Variants in SYT3 observed in about 807,000 individuals in gnomAD.
The protein encoded by SYT3 is synaptotagmin-3.
In SYT3, 25 loss-of-function variants were observed where a neutral mutation model predicts 50.6. The observed-to-expected ratio is 0.49, with a 90% CI of 0.36 to 0.69. SYT3 has a LOEUF of 0.69. SYT3 is among the 30% of genes least tolerant of loss of function. SYT3 has a pLI of 0.00. For missense variants in SYT3, 589 were observed against 793.6 expected (o/e 0.74, Z 3.10); for synonymous variants, 323 against 353.9 (o/e 0.91, Z 0.98).
chr19:50,627,399 C>T (rs561278719), intron 6 of SYT3, among the ~76,000 whole-genome samples: 1 of 152,022 alleles, frequency 6.6e-6, no homozygotes, highest in African/African-American at 2.4e-5. Context: ...GTCCCCAGGC[C>T]CTGCTCCTGA....
intron 6 of SYT3, among the ~76,000 whole-genome samples, chr19:50,628,869 C>T (rs565359032): frequency 2.7e-4 from 40 of 147,176 alleles, no homozygotes; most frequent in South Asian, 2.1e-3. Context: ...TTGTTGCCTA[C>T]GCTGGAGTGC....
intron 6 of SYT3, among the ~76,000 whole-genome samples, chr19:50,628,667 G>A (rs1984160645): frequency 6.6e-6 from 1 of 152,200 alleles, no homozygotes; most frequent in Admixed American, 6.5e-5. Context: ...AGTTAGGAAG[G>A]TAAGAAGTCT....
chr19:50,648,468 G>A, the SYT3 span, among the ~76,000 whole-genome samples: 2 of 152,118 alleles, frequency 1.3e-5, no homozygotes, highest in Non-Finnish European at 2.9e-5. Flanking sequence ...ACAAATAAGC[G>A]AAGGTCCAGC....
Position 50,629,823 on chromosome 19 carries a change from G to T in SYT3, c.1023C>A (p.Ile341=), listed in dbSNP as rs773492286. Residue 341 remains isoleucine, a synonymous_variant, in exon 5 of 11, where the codon ATC becomes ATA. Coordinates refer to ENST00000600079, the MANE Select transcript of SYT3 (RefSeq NM_001160329.2). ...SNGFSDPYVK[I]YLLPDRKKKF... ...TTTTCTTGCGGTCAGGCAGCAGGTAGATCTTGACGTAGGGGTCTGAGAAGC... is the reference window on the plus strand; with the variant it reads ...TTTTCTTGCGGTCAGGCAGCAGGTATATCTTGACGTAGGGGTCTGAGAAGC... The T allele has an allele frequency of 1.2e-5, 19 of 1,613,874 alleles. No homozygotes were observed. The highest frequency in any genetic ancestry group is 1.0e-5 in the Non-Finnish European group (12 of 1,179,912).
rs995186663 is a variant in SYT3, at chr19:50,626,187, CAGCTG to C, written c.1282-175_1282-171del. 28 of 1,025,924 alleles carry C rather than the reference CAGCTG, an allele frequency of 2.7e-5. No individual in the cohort carries two copies. In the African/African-American group the frequency reaches 4.6e-4, roughly 17 times the overall value. The allele number at this position is 1,025,924 out of a possible 1,614,324, so 63.6% of individuals were successfully genotyped here. ...ACAAGGCCCAGTAATTCCCTGGCCA[CAGCTG>C]CCCATGACCATCAAAGCTTATTTGT... On this transcript the variant is annotated intron_variant, in intron 6 of 10. Transcript: ENST00000600079.
At chr19:50,643,708 AT>A (rs34491228), upstream of SYT3, among the ~76,000 whole-genome samples, 43 of 147,798 alleles carry the variant, frequency 2.9e-4, no homozygotes, top group Middle Eastern at 3.5e-3. Flanking sequence ...TGTGCCAGGC[AT>A]TTTTTTTTTT....
At chr19:50,628,653 A>G (rs2123004555) in intron 6 of SYT3, among the ~76,000 whole-genome samples, 1 of 152,212 alleles carries the variant, frequency 6.6e-6, no homozygotes, top group East Asian at 1.9e-4. Context: ...TTGGAAAGTC[A>G]GGAAGTTAGG....
chr19:50,628,032 C>T (rs1343157830), intron 6 of SYT3, among the ~76,000 whole-genome samples: 2 of 151,684 alleles, frequency 1.3e-5, no homozygotes, highest in Non-Finnish European at 2.9e-5. Flanking sequence ...CAAAGAGCTA[C>T]CCAAAAAGCC....
At chr19:50,638,555 C>T (rs1984568617) in intron 2 of SYT3, among the ~76,000 whole-genome samples, 1 of 151,826 alleles carries the variant, frequency 6.6e-6, no homozygotes, top group Admixed American at 6.6e-5. Context: ...GAAGGAAAGT[C>T]AAGGATTGAG....
At chr19:50,645,740 GCGTGGTGTGTGCGCCTGT>G in the SYT3 span, among the ~76,000 whole-genome samples, 4 of 152,094 alleles carry the variant, frequency 2.6e-5, no homozygotes, top group African/African-American at 9.7e-5. Context: ...AATTAGCCAG[GCGTGGTGTGTGCGCCTGT>G]AGTTCCACCT....
At chr19:50,641,218 C>T (rs1317691031), upstream of SYT3, among the ~76,000 whole-genome samples, 10 of 135,478 alleles carry the variant, frequency 7.4e-5, no homozygotes, top group Admixed American at 3.2e-4. Flanking sequence ...CTTGCTCTGT[C>T]GCCCAGGCTG....
the SYT3 span, chr19:50,649,917 T>C: frequency 4.5e-6 from 2 of 446,616 alleles, no homozygotes; most frequent in Non-Finnish European, 9.0e-6. Flanking sequence ...GGTGCCATCC[T>C]TCCACCTCCC....
At chr19:50,653,433 CTG>C in the SYT3 span, among the ~76,000 whole-genome samples, 2 of 151,890 alleles carry the variant, frequency 1.3e-5, no homozygotes, top group African/African-American at 2.4e-5. Flanking sequence ...GAGGGGATGG[CTG>C]TGTTTGAGGG....
In SYT3 at chr19:50,625,029, T is replaced by A. The variant is rs1350263263; in HGVS notation, c.1707+133A>T. On this transcript the variant is annotated intron_variant, in intron 9 of 10. Transcript: ENST00000600079. This position sits in a 1 kb window ranked among gnomAD's most constrained non-coding sequence, Gnocchi z 7.5. ...CTGGCTCTAAGCCGCACAGCTAAAG[T>A]TGGCACAGCAGGGATTGAAACCTAG... 1 of 1,002,730 alleles carries A rather than the reference T, an allele frequency of 1.0e-6. No homozygotes were observed. The highest frequency in any genetic ancestry group is 1.3e-6 in the Non-Finnish European group (1 of 751,012). The allele number at this position is 1,002,730 out of a possible 1,614,324, so 62.1% of individuals were successfully genotyped here.
Position 50,632,446 on chromosome 19 carries a change from C to T in SYT3, c.514G>A (p.Ala172Thr), listed in dbSNP as rs367963156. 1 of 1,613,288 alleles carries T rather than the reference C, an allele frequency of 6.2e-7. No individual in the cohort carries two copies. The highest frequency in any genetic ancestry group is 1.3e-5 in the African/African-American group (1 of 74,922). Residue 172 changes from alanine to threonine, a missense_variant, in exon 4 of 11, where the codon GCA (alanine) becomes ACA (threonine). By Grantham distance (58) the Ala-to-Thr change is moderately conservative (BLOSUM62 0). Coordinates refer to ENST00000600079, the MANE Select transcript of SYT3 (RefSeq NM_001160329.2). The surrounding 1 kb of genome is among the most constrained non-coding windows in gnomAD (Gnocchi z 4.7). ...LDMDSYPEAAAAAVAAGVKPS... is the reference protein window; with the variant it reads ...LDMDSYPEAATAAVAAGVKPS... ...TTGACCCCAGCGGCCACTGCTGCTG[C>T]TGCAGCCTCTGGATACGAGTCCATG...
upstream of SYT3, among the ~76,000 whole-genome samples, chr19:50,642,621 G>T (rs1245564578): frequency 6.6e-6 from 1 of 152,126 alleles, no homozygotes; most frequent in Non-Finnish European, 1.5e-5. Flanking sequence ...ATCACCTGAG[G>T]TCGGGAGTTT....
chr19:50,627,257 A>C (rs1310972524), intron 6 of SYT3, among the ~76,000 whole-genome samples: 1 of 151,984 alleles, frequency 6.6e-6, no homozygotes, highest in African/African-American at 2.4e-5. Flanking sequence ...TTGGCCTTTG[A>C]GCCTCCCCTC....
At chr19:50,633,579 C>A (rs1984396040) in intron 3 of SYT3, among the ~76,000 whole-genome samples, 1 of 152,176 alleles carries the variant, frequency 6.6e-6, no homozygotes, top group Admixed American at 6.5e-5. Flanking sequence ...GCCTTGGGAA[C>A]ATATCTTGAC....
the SYT3 span, chr19:50,655,917 GAGACAGTA>G: frequency 1.1e-5 from 9 of 846,514 alleles, no homozygotes; most frequent in Admixed American, 2.2e-5. Flanking sequence ...TTGGAGCTAA[GAGACAGTA>G]ACTCAACATC....
Sources: allele counts gnomAD v4.1 joint callset (sites outside exome capture counted in the v4.1 genomes callset), GRCh38; gene constraint gnomAD v4.1.1; non-coding constraint Gnocchi (gnomAD v3.1); transcripts MANE v1.5; gene names NCBI Gene and HGNC (gene_info 2026-07-23, HGNC 2026-07-21).